Variants in XPO4 observed in about 807,000 individuals in gnomAD.
The protein encoded by XPO4 is exportin-4.
A neutral mutation model predicts 143.0 loss-of-function variants in XPO4; 39 were observed. The ratio of observed to expected loss-of-function variants is 0.27; its 90% CI spans 0.21 to 0.36. XPO4 has a LOEUF of 0.36. Ranked by LOEUF, XPO4 falls within the 10% of genes least tolerant of loss-of-function variation. The pLI, the probability that XPO4 is intolerant of heterozygous loss-of-function variation, is 1.00. For missense variants in XPO4, 907 were observed against 1,348.0 expected, an observed-to-expected ratio of 0.67 and a Z score of 5.12; for synonymous variants, 439 against 474.0, an observed-to-expected ratio of 0.93 and a Z score of 0.96.
At chr13:20,801,968 C>T (rs1052684235) in intron 13 of XPO4, among the ~76,000 whole-genome samples, 6 of 152,134 alleles carry the variant, frequency 3.9e-5, no homozygotes, top group Non-Finnish European at 7.3e-5. Context: ...CCATCTGCTT[C>T]CTCTTTCCCA....
chr13:20,785,900 GA>G (rs1190493433), intron 22 of XPO4, among the ~76,000 whole-genome samples: 25 of 34,264 alleles, frequency 7.3e-4, no homozygotes, highest in African/African-American at 1.4e-3. Context: ...AAGAAAGAAA[GA>G]GGAGGGAGGA....
At chr13:20,856,184 G>A in intron 3 of XPO4, 1 of 301,800 alleles carries the variant, frequency 3.3e-6, no homozygotes, top group Non-Finnish European at 4.9e-6. Flanking sequence ...GATTCCACTA[G>A]TCTGGAGATA....
At chr13:20,883,130 C>T (rs988193607) in intron 1 of XPO4, among the ~76,000 whole-genome samples, 3 of 152,216 alleles carry the variant, frequency 2.0e-5, no homozygotes, top group Admixed American at 6.5e-5. Flanking sequence ...ATGGCTTTAC[C>T]ATCCTTTGCG....
At chr13:20,805,985 C>T (rs1461968995) in intron 13 of XPO4, among the ~76,000 whole-genome samples, 2 of 151,614 alleles carry the variant, frequency 1.3e-5, no homozygotes, top group Admixed American at 1.3e-4. Context: ...ATGTTTTGCT[C>T]CCACACTAAC....
chr13:20,825,829 C>G lies in XPO4; in HGVS notation c.840+1238G>C, dbSNP rs139833436. 4.6e-5 allele frequency among the ~76,000 whole-genome samples: 7 copies of G among 152,286 alleles called. No individual in the cohort carries two copies. The East Asian group carries it at 1.2e-3, about 25-fold the overall frequency. ...TTTCTCTGATTTTAAAAAGAAACCA[C>G]AAGGTGATTTAATGCTCAGTCTGAA... On this transcript the variant is annotated intron_variant, in intron 7 of 22. Transcript: ENST00000255305.
intron 6 of XPO4, among the ~76,000 whole-genome samples, chr13:20,829,074 G>C (rs532268972): frequency 6.6e-6 from 1 of 152,156 alleles, no homozygotes; most frequent in African/African-American, 2.4e-5. Flanking sequence ...TAAATGTTCT[G>C]AGTAAGGCAA....
At chr13:20,849,721 T>C in intron 4 of XPO4, 1 of 984,774 alleles carries the variant, frequency 1.0e-6, no homozygotes, top group Non-Finnish European at 1.2e-6. Flanking sequence ...AATCTTTCCA[T>C]AAAACTATCT....
At chr13:20,843,392 C>A (rs2059996031) in intron 5 of XPO4, among the ~76,000 whole-genome samples, 2 of 152,192 alleles carry the variant, frequency 1.3e-5, no homozygotes. Context: ...ACAATACATA[C>A]AAGACAAAGA....
At chr13:20,827,786 C>A (rs2084800097) in intron 6 of XPO4, among the ~76,000 whole-genome samples, 1 of 152,170 alleles carries the variant, frequency 6.6e-6, no homozygotes, top group Admixed American at 6.5e-5. Flanking sequence ...AAAATTCCCA[C>A]AGACTAAAAA....
At chr13:20,861,169 GT>G (rs1159581332) in intron 3 of XPO4, among the ~76,000 whole-genome samples, 1 of 151,836 alleles carries the variant, frequency 6.6e-6, no homozygotes, top group Non-Finnish European at 1.5e-5. Flanking sequence ...AACATCTAAA[GT>G]ATTCAATTGC....
At chr13:20,849,699 C>G in intron 4 of XPO4, 3 of 984,120 alleles carry the variant, frequency 3.0e-6, no homozygotes, top group Non-Finnish European at 3.6e-6. Context: ...ATTTTTTACA[C>G]AAATTAGATA....
In XPO4 at chr13:20,851,672, T is replaced by C. The variant is rs896623096; in HGVS notation, c.456+3955A>G. The stretch of plus-strand genomic sequence containing the variant: ...CTGCAGTAGGCCAAGACTACACCAT[T>C]GCCCTCCAGCCGAGGCAACAGAGCA... On this transcript the variant is annotated intron_variant, in intron 4 of 22. Transcript: ENST00000255305. 1.0e-4 allele frequency: 79 copies of C among 773,500 alleles called. 1 individual carries two copies. Among genetic ancestry groups the C allele is most frequent in the Admixed American group, 2.8e-4 (4 of 14,390 alleles). The allele number at this position is 773,500 out of a possible 1,614,324, so 47.9% of individuals were successfully genotyped here.
At chr13:20,793,562 CTGAT>C (rs561229147) in intron 18 of XPO4, among the ~76,000 whole-genome samples, 10 of 151,888 alleles carry the variant, frequency 6.6e-5, no homozygotes, top group Admixed American at 1.3e-4. Flanking sequence ...GACTGATTGA[CTGAT>C]TGATTGAAAC....
intron 21 of XPO4, 57 bp from the exon 22 acceptor site, chr13:20,787,114 C>A (rs1052709450): frequency 4.4e-6 from 6 of 1,369,226 alleles, no homozygotes; most frequent in Non-Finnish European, 5.0e-6. Flanking sequence ...ATCCTCCAGT[C>A]CCTCCCCAGT....
At chr13:20,895,462 T>A (rs1056558077) in intron 1 of XPO4, among the ~76,000 whole-genome samples, 1 of 151,898 alleles carries the variant, frequency 6.6e-6, no homozygotes, top group African/African-American at 2.4e-5. Context: ...TGAAACCCTG[T>A]CCCTACTACA....
chr13:20,860,174 C>T (rs917172431), intron 3 of XPO4, among the ~76,000 whole-genome samples: 4 of 152,130 alleles, frequency 2.6e-5, no homozygotes, highest in Non-Finnish European at 5.9e-5. Context: ...ACAGGTAAAA[C>T]AGAATATTAA....
intron 16 of XPO4, among the ~76,000 whole-genome samples, 169 bp downstream of exon 16, chr13:20,798,996 G>C (rs1924599): frequency 0.3 from 44,917 of 150,232 alleles, 8,490 homozygotes; most frequent in East Asian, 0.8. Context: ...ACTCCAGCCT[G>C]GGCAACAGAG....
In XPO4 at chr13:20,786,112, G is replaced by C. The variant is rs943374741; in HGVS notation, c.3258+853C>G. 1.7e-4 allele frequency among the ~76,000 whole-genome samples: 26 copies of C among 152,056 alleles called. 1 individual carries two copies. Among genetic ancestry groups the C allele is most frequent in the Non-Finnish European group, 1.5e-4 (10 of 68,012 alleles). ...GAGCAGGTACCACCTGCAGGAAGTG[G>C]CAGCCTAGGGCAGAGAGCAAGAAAT... is the stretch of plus-strand genomic sequence containing the variant. On this transcript the variant is annotated intron_variant, in intron 22 of 22. Transcript: ENST00000255305.
At chr13:20,859,946 G>T in intron 3 of XPO4, 2 of 645,420 alleles carry the variant, frequency 3.1e-6, no homozygotes, top group Non-Finnish European at 1.9e-6. Flanking sequence ...TGGCGACAAG[G>T]GGGAGAAAAG....
Sources: gnomAD v4.1 joint callset for allele counts (sites outside exome capture counted in the v4.1 genomes callset) on GRCh38, gnomAD v4.1.1 for gene constraint, MANE v1.5 for transcripts, NCBI Gene and HGNC (gene_info 2026-07-23, HGNC 2026-07-21) for gene names.